The following MOK variants were observed in gnomAD, a reference collection of about 807,000 sequenced individuals.
The protein encoded by MOK is MOK protein kinase.
A neutral mutation model predicts 54.2 loss-of-function variants in MOK; 59 were observed. That is an observed-to-expected ratio of 1.09 (90% CI 0.88 to 1.35). The LOEUF is 1.35. Among genes scored for constraint, MOK ranks in the 40% most tolerant of loss-of-function variants. MOK has a pLI of 0.00. For missense variants in MOK, 517 were observed against 526.2 expected, an observed-to-expected ratio of 0.98 and a Z score of 0.17; for synonymous variants, 210 against 202.7, an observed-to-expected ratio of 1.04 and a Z score of -0.31.
chr14:102,227,598 G>T (rs1340750374), downstream of MOK, among the ~76,000 whole-genome samples: 2 of 152,092 alleles, frequency 1.3e-5, no homozygotes, highest in African/African-American at 2.4e-5. Context: ...CTTCCGGTCT[G>T]AAAATTACGG....
chr14:102,300,215 T>G (rs542005071), intron 1 of MOK, among the ~76,000 whole-genome samples: 7 of 151,290 alleles, frequency 4.6e-5, no homozygotes, highest in Non-Finnish European at 1.5e-5. Flanking sequence ...TCCCAGCTAT[T>G]TGGGAAGCTG....
chr14:102,268,273 A>G (rs1324608285), intron 2 of MOK, among the ~76,000 whole-genome samples: 2 of 152,046 alleles, frequency 1.3e-5, no homozygotes, highest in Non-Finnish European at 1.5e-5. Context: ...AGAAAGGCAC[A>G]TTTTCCTGGA....
downstream of MOK, chr14:102,223,052 T>C: frequency 1.5e-6 from 1 of 656,906 alleles, no homozygotes; most frequent in South Asian, 2.0e-5. Context: ...GTGCTCCCGC[T>C]GCTCACCCAA....
intron 4 of MOK, among the ~76,000 whole-genome samples, chr14:102,256,467 G>C (rs559820309): frequency 6.6e-6 from 1 of 151,794 alleles, no homozygotes; most frequent in Admixed American, 6.6e-5. Context: ...CCAGCTACTC[G>C]GGAGGCTGAG....
chr14:102,248,379 GGGAA>G (rs2066259144), intron 7 of MOK, among the ~76,000 whole-genome samples: 1 of 150,104 alleles, frequency 6.7e-6, no homozygotes, highest in Non-Finnish European at 1.5e-5. Context: ...AGGAGGTCGT[GGGAA>G]GCATAAACAA....
Position 102,250,979 on chromosome 14 carries a change from C to T in MOK, c.423G>A (p.Leu141=), listed in dbSNP as rs1298854934. 1.9e-6 allele frequency: 3 copies of T among 1,614,026 alleles called. No individual in the cohort carries two copies. The highest frequency in any genetic ancestry group is 2.5e-6 in the Non-Finnish European group (3 of 1,179,974). ...GGCAGGAGCCAAAGTCCCCTAATTT[C>T]AGGACATCCTGCTGGAAGGGGAAAG... ...PENILIKQDV[L]KLGDFGSCRS... The change falls in exon 7 of 12, where the codon CTG becomes CTA. Residue 141 remains leucine (L), a synonymous_variant. Coordinates refer to ENST00000361847, the MANE Select transcript of MOK (RefSeq NM_014226.3).
At chr14:102,277,979 G>A (rs765313333) in intron 2 of MOK, among the ~76,000 whole-genome samples, 1 of 152,120 alleles carries the variant, frequency 6.6e-6, no homozygotes, top group Non-Finnish European at 1.5e-5. Flanking sequence ...GCTTTTGAGA[G>A]GTAATTAGAG....
At chr14:102,227,881 AT>A (rs1173587269), downstream of MOK, among the ~76,000 whole-genome samples, 1 of 152,194 alleles carries the variant, frequency 6.6e-6, no homozygotes, top group Non-Finnish European at 1.5e-5. Context: ...GGTGTCACAG[AT>A]TTGTCTCAAC....
chr14:102,288,130 G>A (rs1458149504), intron 1 of MOK, among the ~76,000 whole-genome samples: 13 of 150,766 alleles, frequency 8.6e-5, no homozygotes, highest in South Asian at 6.2e-4. Flanking sequence ...CACCGCACCC[G>A]GCCTGAGATG....
At position 102,232,082 on chromosome 14, in the gene MOK, C is replaced by T. The variant is rs2064779789; in HGVS notation, c.867-261G>A. ...GTTTCAGATCAAACTGTCACCTCCACAGTTAGGCAAACAGGAGTGTCCAGA... is the reference window on the plus strand; with the variant it reads ...GTTTCAGATCAAACTGTCACCTCCATAGTTAGGCAAACAGGAGTGTCCAGA... On this transcript the variant is annotated intron_variant, in intron 9 of 11. Coordinates refer to ENST00000361847, the MANE Select transcript of MOK (RefSeq NM_014226.3). This position sits in a 1 kb window ranked among gnomAD's most constrained non-coding sequence, Gnocchi z 5.1. The T allele has an allele frequency of 2.3e-6, 1 of 437,562 alleles. No homozygotes were observed. Among genetic ancestry groups the T allele is most frequent in the Non-Finnish European group, 4.1e-6 (1 of 245,030 alleles). The allele number at this position is 437,562 out of a possible 1,614,324, so 27.1% of individuals were successfully genotyped here. A position where few individuals can be genotyped will look rare whatever the true frequency, so the allele number is the denominator to read the frequency against.
intron 1 of MOK, among the ~76,000 whole-genome samples, chr14:102,299,374 TGTG>T (rs913444163): frequency 9.9e-5 from 15 of 152,068 alleles, no homozygotes; most frequent in African/African-American, 3.6e-4. Context: ...ATTAACCAGG[TGTG>T]GTGGTTTGCA....
At chr14:102,247,814 C>A (rs1340439331) in intron 7 of MOK, among the ~76,000 whole-genome samples, 1 of 152,188 alleles carries the variant, frequency 6.6e-6, no homozygotes, top group South Asian at 2.1e-4. Flanking sequence ...AAGGACCGAG[C>A]ACAAAAAATT....
intron 4 of MOK, among the ~76,000 whole-genome samples, chr14:102,262,248 C>G (rs971994589): frequency 2.0e-5 from 3 of 152,110 alleles, no homozygotes; most frequent in Non-Finnish European, 4.4e-5. Context: ...TAGGTTCAAT[C>G]GATTTTCCTG....
rs1567129053 is a variant in MOK at position 102,230,827 on chromosome 14, G to A, written c.981+880C>T. On this transcript the variant is annotated intron_variant, in intron 10 of 11. Transcript: ENST00000361847. This position sits in a 1 kb window ranked among gnomAD's most constrained non-coding sequence, Gnocchi z 4.1. ...TCCCTCGGAGGGAAGGCCATGGGAA[G>A]CCACAGGGAAAAAGCACGTTTGGGG... The A allele has an allele frequency of 6.6e-6, 1 of 152,418 alleles. No individual in the cohort carries two copies. Among genetic ancestry groups the A allele is most frequent in the Non-Finnish European group, 1.5e-5 (1 of 68,200 alleles). The allele number at this position is 152,418 out of a possible 1,614,324, so 9.4% of individuals were successfully genotyped here.
downstream of MOK, among the ~76,000 whole-genome samples, chr14:102,224,262 G>C (rs1043581974): frequency 1.3e-5 from 2 of 151,766 alleles, no homozygotes; most frequent in African/African-American, 2.4e-5. Context: ...GGATGGTCTC[G>C]ATCTCCTGAC....
At chr14:102,292,863 G>A (rs2070920838) in intron 1 of MOK, among the ~76,000 whole-genome samples, 1 of 152,180 alleles carries the variant, frequency 6.6e-6, no homozygotes, top group South Asian at 2.1e-4. Flanking sequence ...GCTGGGTGTG[G>A]TAGCTCATGC....
chr14:102,224,162 C>T (rs1012181909), downstream of MOK, among the ~76,000 whole-genome samples: 17 of 152,008 alleles, frequency 1.1e-4, no homozygotes, highest in African/African-American at 4.1e-4. Context: ...CCGCCTCAGC[C>T]TCCCGAGTAG....
chr14:102,283,621 AAT>A (rs1567224799), intron 1 of MOK, 29 bp from the exon 2 acceptor site: 1 of 1,455,512 alleles, frequency 6.9e-7, no homozygotes, highest in Middle Eastern at 1.8e-4. Flanking sequence ...ACAAAAATAA[AAT>A]GTTATTTATG....
chr14:102,301,140 A>T (rs1411433953), intron 1 of MOK, among the ~76,000 whole-genome samples: 1 of 152,136 alleles, frequency 6.6e-6, no homozygotes, highest in African/African-American at 2.4e-5. Flanking sequence ...AGCTCCAGCC[A>T]CCATCTGAGT....
Sources: gnomAD v4.1 joint callset for allele counts (sites outside exome capture counted in the v4.1 genomes callset) on GRCh38, gnomAD v4.1.1 for gene constraint, Gnocchi (gnomAD v3.1) non-coding constraint, MANE v1.5 for transcripts, NCBI Gene and HGNC (gene_info 2026-07-23, HGNC 2026-07-21) for gene names.